SERP2: variants seen among roughly 807,000 people sequenced by gnomAD.
The protein encoded by SERP2 is stress associated endoplasmic reticulum protein family member 2.
In SERP2, 6 loss-of-function variants were observed where a neutral mutation model predicts 9.1. The observed-to-expected ratio is 0.66, with a 90% CI of 0.36 to 1.30. SERP2 has a LOEUF of 1.30. Among genes scored for constraint, SERP2 ranks in the 50% most tolerant of loss-of-function variants. The probability of loss-of-function intolerance (pLI) is 0.03; values close to 1 mark genes in which losing one functional copy is unlikely to be tolerated. For synonymous variants in SERP2, 37 were observed against 27.3 expected (o/e 1.35, Z -1.10); for missense variants, 58 against 81.9 (o/e 0.71, Z 1.13).
At position 44,373,950 on chromosome 13, in the gene SERP2, G is replaced by C; in HGVS notation, c.-76G>C. 7.2e-7 allele frequency: 1 copy of C among 1,386,832 alleles called. No individual in the cohort carries two copies. Among genetic ancestry groups the C allele is most frequent in the African/African-American group, 1.5e-5 (1 of 66,410 alleles). 85.9% of individuals were successfully genotyped at this position (1,386,832 alleles called of 1,614,324 possible). On this transcript the variant is annotated 5_prime_UTR_variant, in exon 1 of 3. Coordinates refer to ENST00000379179, the MANE Select transcript of SERP2 (RefSeq NM_001010897.3). The surrounding 1 kb of genome is among the most constrained non-coding windows in gnomAD (Gnocchi z 4.8). ...GGGTGGGCCGCGGGGGCCTCGGCGG[G>C]ACGCGCTCGGCCCTGTCGCAGGAGC... is the stretch of plus-strand genomic sequence containing the variant.
At chr13:44,381,680 T>C (rs548471823) in intron 2 of SERP2, among the ~76,000 whole-genome samples, 143 of 152,250 alleles carry the variant, frequency 9.4e-4, no homozygotes, top group Non-Finnish European at 9.3e-4. Flanking sequence ...TTGCAGTTAC[T>C]TTTTAACAGT....
intron 2 of SERP2, among the ~76,000 whole-genome samples, chr13:44,387,575 T>A (rs1872391946): frequency 6.6e-6 from 1 of 152,230 alleles, no homozygotes; most frequent in South Asian, 2.1e-4. Context: ...GATAATTTTA[T>A]TTAGAGTCAG....
intron 2 of SERP2, among the ~76,000 whole-genome samples, chr13:44,388,549 T>C (rs1037358318): frequency 6.6e-6 from 1 of 152,184 alleles, no homozygotes; most frequent in South Asian, 2.1e-4. Context: ...AAAGAGCCTG[T>C]GAGGTTTATC....
At chr13:44,374,215 G>A (rs1213515331) in intron 1 of SERP2, 106 bp downstream of exon 1, 2 of 756,662 alleles carry the variant, frequency 2.6e-6, no homozygotes. Context: ...CCGGCCTCCC[G>A]GCTCCCGGCC....
chr13:44,392,973 A>C (rs1408562037), intron 2 of SERP2, among the ~76,000 whole-genome samples: 7 of 152,188 alleles, frequency 4.6e-5, no homozygotes, highest in Non-Finnish European at 1.0e-4. Flanking sequence ...TTTAGAGGAA[A>C]GATCCAAGAG....
intron 2 of SERP2, among the ~76,000 whole-genome samples, chr13:44,387,023 G>A (rs947769464): frequency 1.3e-5 from 2 of 152,154 alleles, no homozygotes; most frequent in African/African-American, 4.8e-5. Context: ...TGCCAGTCCC[G>A]GGTTTTGAAA....
intron 1 of SERP2, among the ~76,000 whole-genome samples, chr13:44,376,504 C>T (rs568042831): frequency 6.6e-6 from 1 of 152,274 alleles, no homozygotes; most frequent in East Asian, 1.9e-4. Context: ...GGCGTGGTGG[C>T]TCAGCACTTT....
chr13:44,374,183 CG>C, intron 1 of SERP2, 74 bp downstream of exon 1: 1 of 401,564 alleles, frequency 2.5e-6, no homozygotes, highest in South Asian at 3.9e-5. Context: ...GGGGCGGGGC[CG>C]GGCGGGTAGC....
At chr13:44,375,728 A>C (rs2138775970) in intron 1 of SERP2, among the ~76,000 whole-genome samples, 1 of 152,334 alleles carries the variant, frequency 6.6e-6, no homozygotes, top group East Asian at 1.9e-4. Flanking sequence ...TTGACAGCTT[A>C]TCTGATTACA....
Position 44,397,548 on chromosome 13 carries a change from AGTAGC to A in SERP2, c.*237_*241del. Reference sequence around the variant, plus strand: ...ATTTTGCTTTTCTGTTGGCAGGATTAGTAGCCACGCGGGTCGTCCGCAGCAGTGCT... The same window carrying A: ...ATTTTGCTTTTCTGTTGGCAGGATTACACGCGGGTCGTCCGCAGCAGTGCT... On this transcript the variant is annotated 3_prime_UTR_variant, in exon 3 of 3. Coordinates refer to ENST00000379179, the MANE Select transcript of SERP2 (RefSeq NM_001010897.3). The A allele has an allele frequency of 1.8e-6, 1 of 567,880 alleles. No homozygotes were observed. Among genetic ancestry groups the A allele is most frequent in the Non-Finnish European group, 3.1e-6 (1 of 317,460 alleles). 35.2% of individuals were successfully genotyped at this position (567,880 alleles called of 1,614,324 possible).
chr13:44,397,435 G>T lies in SERP2; in HGVS notation c.*123G>T. The T allele has an allele frequency of 1.3e-6, 1 of 744,606 alleles. No homozygotes were observed. 46.1% of individuals were successfully genotyped at this position (744,606 alleles called of 1,614,324 possible). ...AATAGAAAAAAACGCTCCCCCACTT[G>T]TTCCCTGATCACTTCATCGTGGATG... On this transcript the variant is annotated 3_prime_UTR_variant, in exon 3 of 3. Transcript: ENST00000379179.
chr13:44,395,963 C>A, intron 2 of SERP2: 1 of 420,474 alleles, frequency 2.4e-6, no homozygotes, highest in Non-Finnish European at 4.8e-6. Context: ...TCAGATCACA[C>A]GCAGCCTCCT....
chr13:44,385,334 C>A (rs1028156877), intron 2 of SERP2, among the ~76,000 whole-genome samples: 1 of 152,202 alleles, frequency 6.6e-6, no homozygotes, highest in Non-Finnish European at 1.5e-5. Context: ...ACAGTCCAGG[C>A]ACCCAGAGAC....
chr13:44,374,280 C>T (rs1398250508), intron 1 of SERP2, among the ~76,000 whole-genome samples, 171 bp downstream of exon 1: 1 of 152,114 alleles, frequency 6.6e-6, no homozygotes, highest in Non-Finnish European at 1.5e-5. Context: ...TTCAGGGCGG[C>T]GCGGTCTGCT....
At chr13:44,379,364 G>A (rs1871832936) in intron 1 of SERP2, among the ~76,000 whole-genome samples, 1 of 152,122 alleles carries the variant, frequency 6.6e-6, no homozygotes, top group Admixed American at 6.6e-5. Context: ...CGCCATATTG[G>A]TTTATGTATT....
intron 2 of SERP2, among the ~76,000 whole-genome samples, chr13:44,391,452 C>A (rs921084640): frequency 2.0e-5 from 3 of 152,120 alleles, no homozygotes; most frequent in African/African-American, 7.2e-5. Context: ...CATACCTGGT[C>A]GCTGTTATCC....
At chr13:44,380,541 T>C (rs1376569382) in intron 2 of SERP2, among the ~76,000 whole-genome samples, 1 of 151,788 alleles carries the variant, frequency 6.6e-6, no homozygotes, top group Non-Finnish European at 1.5e-5. Flanking sequence ...CCTAAAATCA[T>C]GAAAATTAAA....
intron 2 of SERP2, among the ~76,000 whole-genome samples, chr13:44,396,353 G>A (rs140789199): frequency 5.3e-5 from 8 of 151,084 alleles, no homozygotes; most frequent in African/African-American, 9.7e-5. Context: ...TTAAGAAGGC[G>A]AGAAGGGGTA....
At chr13:44,388,046 T>C (rs1404224950) in intron 2 of SERP2, among the ~76,000 whole-genome samples, 1 of 152,216 alleles carries the variant, frequency 6.6e-6, no homozygotes, top group Non-Finnish European at 1.5e-5. Context: ...CTTCACTGTT[T>C]CCTATAGTTT....
Sources: gnomAD v4.1 joint callset for allele counts (sites outside exome capture counted in the v4.1 genomes callset) on GRCh38, gnomAD v4.1.1 for gene constraint, Gnocchi (gnomAD v3.1) non-coding constraint, MANE v1.5 for transcripts, NCBI Gene and HGNC (gene_info 2026-07-23, HGNC 2026-07-21) for gene names.